UBE2N: variants seen among roughly 807,000 people sequenced by gnomAD.
UBE2N encodes ubiquitin-conjugating enzyme E2 N.
For synonymous variants in UBE2N, 70 were observed against 69.2 expected (o/e 1.01, Z -0.06); for missense variants, 60 against 192.1 (o/e 0.31, Z 4.07).
chr12:93,421,091 A>C (rs747662773), intron 1 of UBE2N, among the ~76,000 whole-genome samples: 4 of 152,196 alleles, frequency 2.6e-5, no homozygotes, highest in Non-Finnish European at 5.9e-5. Flanking sequence ...CTGAGAAACA[A>C]AGAGTAATCG....
At position 93,408,448 on chromosome 12, in the gene UBE2N, A is replaced by C. The variant is rs572411507; in HGVS notation, c.*1591T>G. 1 of 152,252 alleles carries C rather than the reference A, an allele frequency of 6.6e-6. No individual in the cohort carries two copies. Among genetic ancestry groups the C allele is most frequent in the Admixed American group, 6.5e-5 (1 of 15,280 alleles). 9.4% of individuals were successfully genotyped at this position (152,252 alleles called of 1,614,324 possible). ...ATAAAATACACCACAATCTGAAGAAACTCCAGAATTACGAGAATAAGAGTG... is the reference window on the plus strand; with the variant it reads ...ATAAAATACACCACAATCTGAAGAACCTCCAGAATTACGAGAATAAGAGTG... On this transcript the variant is annotated 3_prime_UTR_variant, in exon 4 of 4. Coordinates refer to ENST00000318066, the MANE Select transcript of UBE2N (RefSeq NM_003348.4).
In UBE2N at chr12:93,410,743, T is replaced by C; in HGVS notation, c.409A>G (p.Ile137Val). Residue 137 changes from isoleucine (I) to valine (V), a missense_variant, in exon 3 of 4, where the codon ATA becomes GTA. By Grantham distance (29) the Ile-to-Val change is conservative. Coordinates refer to ENST00000318066, the MANE Select transcript of UBE2N (RefSeq NM_003348.4). ...AATGAATATTAGATACCTGTTTCTA[T>C]GGCTTGGGCTTCGTTGGTCTTCCAC... ...EQWKTNEAQA[I>V]ETARAWTRLY... 1 of 1,614,196 alleles carries C rather than the reference T, an allele frequency of 6.2e-7. No homozygotes were observed. Among genetic ancestry groups the C allele is most frequent in the Non-Finnish European group, 8.5e-7 (1 of 1,180,018 alleles).
In UBE2N at chr12:93,410,255, T is replaced by C. The variant is rs138050814; in HGVS notation, c.419-176A>G. The C allele has an allele frequency of 1.6e-5, 9 of 577,852 alleles. No individual in the cohort carries two copies. The East Asian group carries it at 2.9e-4, about 19-fold the overall frequency. 35.8% of individuals were successfully genotyped at this position (577,852 alleles called of 1,614,324 possible). A position where few individuals can be genotyped will look rare whatever the true frequency, so the allele number is the denominator to read the frequency against. On this transcript the variant is annotated intron_variant, in intron 3 of 3. Transcript: ENST00000318066. ...CTGAAAGATTTTGTAAATGTCCAAT[T>C]ACCAAAACACTACAATAAAATTAAG...
At chr12:93,424,539 C>G (rs529118818) in intron 1 of UBE2N, 1 of 152,306 alleles carries the variant, frequency 6.6e-6, no homozygotes, top group African/African-American at 2.4e-5. Flanking sequence ...CATACTAACT[C>G]TGAGATAAAT....
At chr12:93,430,213 A>C (rs1350430981) in intron 1 of UBE2N, among the ~76,000 whole-genome samples, 2 of 152,234 alleles carry the variant, frequency 1.3e-5, no homozygotes, top group African/African-American at 4.8e-5. Flanking sequence ...CTACAGTATT[A>C]AGTACAGTAA....
intron 1 of UBE2N, among the ~76,000 whole-genome samples, chr12:93,411,599 CATT>C (rs1348342219): frequency 2.6e-5 from 4 of 152,154 alleles, no homozygotes; most frequent in Middle Eastern, 3.4e-3. Flanking sequence ...AATAAAGTAA[CATT>C]AGGATTACAT....
chr12:93,431,797 T>C (rs1305960198), intron 1 of UBE2N, among the ~76,000 whole-genome samples: 1 of 152,228 alleles, frequency 6.6e-6, no homozygotes, highest in Non-Finnish European at 1.5e-5. Context: ...CTGATTCTAT[T>C]ATCCATCACA....
At chr12:93,438,857 T>C (rs2121103764) in intron 1 of UBE2N, among the ~76,000 whole-genome samples, 1 of 152,304 alleles carries the variant, frequency 6.6e-6, no homozygotes, top group Middle Eastern at 3.4e-3. Context: ...TGAATAGTAG[T>C]CCAGAAAATC....
intron 1 of UBE2N, among the ~76,000 whole-genome samples, chr12:93,434,926 C>A (rs1008430080): frequency 6.7e-6 from 1 of 149,762 alleles, no homozygotes; most frequent in East Asian, 1.9e-4. Flanking sequence ...ATTTAAGAGA[C>A]AGGGTCTTGC....
chr12:93,434,207 G>C (rs756222904), intron 1 of UBE2N, among the ~76,000 whole-genome samples: 1 of 152,202 alleles, frequency 6.6e-6, no homozygotes, highest in Admixed American at 6.5e-5. Flanking sequence ...CAGGAGAATC[G>C]CTTGAACCTG....
At position 93,429,854 on chromosome 12, in the gene UBE2N, T is replaced by C. The variant is rs766101301; in HGVS notation, c.30+12001A>G. Among the ~76,000 whole-genome samples, 18 of 152,190 alleles carry C rather than the reference T, an allele frequency of 1.2e-4. 1 individual carries two copies. Among genetic ancestry groups the C allele is most frequent in the Admixed American group, 5.9e-4 (9 of 15,278 alleles). On this transcript the variant is annotated intron_variant, in intron 1 of 3. Transcript: ENST00000318066. ...TATATTTTTGCACAGCTGTATGATGTGTGTTTTAAGCTAAATGTTAATACA... is the reference window on the plus strand; with the variant it reads ...TATATTTTTGCACAGCTGTATGATGCGTGTTTTAAGCTAAATGTTAATACA...
chr12:93,411,694 CT>C (rs1429735943), intron 1 of UBE2N, among the ~76,000 whole-genome samples: 1 of 151,622 alleles, frequency 6.6e-6, no homozygotes, highest in Non-Finnish European at 1.5e-5. Context: ...TTTTTTTTGG[CT>C]TGTTTGTTTG....
At chr12:93,415,282 C>T (rs537328089) in intron 1 of UBE2N, among the ~76,000 whole-genome samples, 1 of 152,214 alleles carries the variant, frequency 6.6e-6, no homozygotes, top group Non-Finnish European at 1.5e-5. Context: ...ACAACAACAA[C>T]AAATAACTTC....
intron 1 of UBE2N, among the ~76,000 whole-genome samples, chr12:93,417,659 AAGAGCT>A (rs2121066841): frequency 1.3e-5 from 2 of 152,328 alleles, no homozygotes; most frequent in South Asian, 4.1e-4. Flanking sequence ...CATCTCAAAC[AAGAGCT>A]GTCTGATAAC....
chr12:93,437,449 G>A (rs530737483), intron 1 of UBE2N, among the ~76,000 whole-genome samples: 3 of 152,132 alleles, frequency 2.0e-5, no homozygotes, highest in South Asian at 4.1e-4. Context: ...AGGAGAAGAC[G>A]CCTAACTTAT....
At chr12:93,432,369 C>G (rs1474502812) in intron 1 of UBE2N, among the ~76,000 whole-genome samples, 2 of 151,286 alleles carry the variant, frequency 1.3e-5, no homozygotes, top group African/African-American at 4.9e-5. Context: ...ACGCAAATCA[C>G]AAGGTTACAG....
At chr12:93,436,159 T>C (rs1878928784) in intron 1 of UBE2N, among the ~76,000 whole-genome samples, 1 of 152,186 alleles carries the variant, frequency 6.6e-6, no homozygotes, top group Non-Finnish European at 1.5e-5. Flanking sequence ...TGGAGTGCAG[T>C]GGCGCGATCT....
At chr12:93,435,067 G>C (rs899433350) in intron 1 of UBE2N, among the ~76,000 whole-genome samples, 3 of 152,026 alleles carry the variant, frequency 2.0e-5, no homozygotes, top group Admixed American at 2.0e-4. Context: ...ACCTGGCTAA[G>C]TTTCCCTGCC....
chr12:93,433,767 T>C (rs1481247017), intron 1 of UBE2N, among the ~76,000 whole-genome samples: 1 of 152,242 alleles, frequency 6.6e-6, no homozygotes, highest in East Asian at 1.9e-4. Flanking sequence ...TATTTATTTC[T>C]ATAGCACATA....
Sources: gnomAD v4.1 joint callset for allele counts (sites outside exome capture counted in the v4.1 genomes callset) on GRCh38, gnomAD v4.1.1 for gene constraint, MANE v1.5 for transcripts, NCBI Gene and HGNC (gene_info 2026-07-23, HGNC 2026-07-21) for gene names.